Variants in GPC5 observed in about 807,000 individuals in gnomAD.
GPC5 encodes glypican-5.
A neutral mutation model predicts 53.9 loss-of-function variants in GPC5; 47 were observed. That is an observed-to-expected ratio of 0.87 (90% CI 0.69 to 1.11). The LOEUF is 1.11. Among genes scored for constraint, GPC5 ranks in the 50% most tolerant of loss-of-function variants. The pLI is 0.00. For missense variants in GPC5, 748 were observed against 713.1 expected, an observed-to-expected ratio of 1.05 and a Z score of -0.56; for synonymous variants, 286 against 263.3, an observed-to-expected ratio of 1.09 and a Z score of -0.84.
rs568828854 is a variant in GPC5, at chr13:92,331,510, TAGC to T, written c.1561+186525_1561+186527del. Among the ~76,000 whole-genome samples, 20 of 152,234 alleles carry T rather than the reference TAGC, an allele frequency of 1.3e-4. No homozygotes were observed. In the East Asian group the frequency reaches 2.1e-3, roughly 16 times the overall value. ...TGATAATGTTAATTATAAAGCAAAATAGCAGCGACTGAGATATTTAGTTCAAAT... is the reference window on the plus strand; with the variant it reads ...TGATAATGTTAATTATAAAGCAAAATAGCGACTGAGATATTTAGTTCAAAT... On this transcript the variant is annotated intron_variant, in intron 7 of 7. Coordinates refer to ENST00000377067, the MANE Select transcript of GPC5 (RefSeq NM_004466.6).
chr13:92,819,311 A>G (rs933470529), intron 7 of GPC5, among the ~76,000 whole-genome samples: 1 of 152,166 alleles, frequency 6.6e-6, no homozygotes, highest in African/African-American at 2.4e-5. Flanking sequence ...ACAATGTTCT[A>G]TATGTGGACT....
Position 91,628,711 on chromosome 13 carries a change from A to C in GPC5, c.326-64476A>C, listed in dbSNP as rs990084138. On this transcript the variant is annotated intron_variant, in intron 2 of 7. Transcript: ENST00000377067. ...TCTGTCTCAGTTGCTTTATCAATAA[A>C]TAACAATAAGATAATAACTAAGTCC... Among the ~76,000 whole-genome samples, 15 of 152,270 alleles carry C rather than the reference A, an allele frequency of 9.9e-5. 1 individual carries two copies. The South Asian group carries it at 3.1e-3, about 32-fold the overall frequency.
At chr13:91,432,024 G>A (rs569640343) in intron 1 of GPC5, among the ~76,000 whole-genome samples, 9 of 152,236 alleles carry the variant, frequency 5.9e-5, no homozygotes, top group African/African-American at 2.2e-4. Context: ...GTGCCATGTG[G>A]GTATGGTTTC....
intron 7 of GPC5, among the ~76,000 whole-genome samples, chr13:92,475,522 A>T (rs1461487864): frequency 1.3e-5 from 2 of 150,970 alleles, no homozygotes; most frequent in Non-Finnish European, 3.0e-5. Flanking sequence ...TTGGTGTATA[A>T]GAATGCTTGT....
rs1166784224 is a variant in GPC5, at chr13:91,571,895, ATACACATAT to A, written c.326-121290_326-121282del. Among the ~76,000 whole-genome samples the A allele has an allele frequency of 3.5e-4, 21 of 60,650 alleles. 4 individuals are homozygous for A. Among genetic ancestry groups the A allele is most frequent in the African/African-American group, 1.5e-3 (17 of 11,220 alleles). The allele number at this position is 60,650 out of a possible 152,430, so 39.8% of individuals were successfully genotyped here. The stretch of plus-strand genomic sequence containing the variant: ...TATATACACACATATACGTGTGTAT[ATACACATAT>A]TGTATATATACACATATTGTATATA... On this transcript the variant is annotated intron_variant, in intron 2 of 7. Coordinates refer to ENST00000377067, the MANE Select transcript of GPC5 (RefSeq NM_004466.6).
intron 7 of GPC5, among the ~76,000 whole-genome samples, chr13:92,612,863 G>A (rs1024378935): frequency 1.3e-5 from 2 of 152,014 alleles, no homozygotes; most frequent in Admixed American, 6.6e-5. Flanking sequence ...GCAAAAGATG[G>A]ATATGTAATT....
intron 7 of GPC5, among the ~76,000 whole-genome samples, chr13:92,440,239 C>T (rs748720803): frequency 6.6e-6 from 1 of 152,160 alleles, no homozygotes; most frequent in Admixed American, 6.5e-5. Flanking sequence ...AGTTTTTCAA[C>T]ACTTTACCCC....
intron 6 of GPC5, among the ~76,000 whole-genome samples, chr13:92,035,389 T>C (rs1284388575): frequency 6.6e-6 from 1 of 152,148 alleles, no homozygotes; most frequent in African/African-American, 2.4e-5. Context: ...TTTTATTTTG[T>C]TTATATGTCT....
chr13:92,676,821 T>G (rs531259414), intron 7 of GPC5, among the ~76,000 whole-genome samples: 2 of 152,124 alleles, frequency 1.3e-5, no homozygotes, highest in South Asian at 4.1e-4. Flanking sequence ...TAGAGAACAA[T>G]TGAGTAGAAA....
intron 7 of GPC5, among the ~76,000 whole-genome samples, chr13:92,362,386 G>T (rs927342854): frequency 6.6e-6 from 1 of 151,732 alleles, no homozygotes; most frequent in Admixed American, 6.6e-5. Context: ...TTGATAAAGG[G>T]TTAAAAGATC....
At chr13:91,774,000 G>A (rs1340277059) in intron 5 of GPC5, among the ~76,000 whole-genome samples, 5 of 152,126 alleles carry the variant, frequency 3.3e-5, no homozygotes, top group Non-Finnish European at 7.3e-5. Flanking sequence ...TTCCTAATTA[G>A]CAATTTCCTG....
intron 2 of GPC5, among the ~76,000 whole-genome samples, chr13:91,639,746 T>C (rs965146012): frequency 6.6e-6 from 1 of 152,244 alleles, no homozygotes; most frequent in Admixed American, 6.5e-5. Context: ...TTTATTTTCT[T>C]CATTGTGTTC....
At chr13:92,654,632 G>C (rs945918889) in intron 7 of GPC5, among the ~76,000 whole-genome samples, 4 of 151,964 alleles carry the variant, frequency 2.6e-5, no homozygotes, top group African/African-American at 7.2e-5. Context: ...TTTGGATTTT[G>C]TCACTTTTTT....
intron 2 of GPC5, among the ~76,000 whole-genome samples, chr13:91,462,976 G>T (rs1306981404): frequency 6.6e-6 from 1 of 151,796 alleles, no homozygotes; most frequent in Non-Finnish European, 1.5e-5. Flanking sequence ...TTAATGATTG[G>T]TACCACTGTT....
rs369703401 is a variant in GPC5, at chr13:91,912,337, TGAGACTCTGTCTCCCA to T, written c.1401+4281_1401+4296del. On this transcript the variant is annotated intron_variant, in intron 6 of 7. Transcript: ENST00000377067. ...TGCATTCTAGCTCCAGGAGACAGAG[TGAGACTCTGTCTCCCA>T]ACAACAACAACAACAAAGAATAATG... Among the ~76,000 whole-genome samples the T allele has an allele frequency of 2.4e-3, 372 of 152,014 alleles. 3 individuals are homozygous for T. The highest frequency in any genetic ancestry group is 8.5e-3 in the African/African-American group (352 of 41,438).
At chr13:92,408,758 C>T (rs1875912303) in intron 7 of GPC5, among the ~76,000 whole-genome samples, 1 of 151,816 alleles carries the variant, frequency 6.6e-6, no homozygotes, top group African/African-American at 2.4e-5. Context: ...GAAATATGAA[C>T]TGATTGCATA....
intron 7 of GPC5, among the ~76,000 whole-genome samples, chr13:92,528,942 A>C (rs1196862870): frequency 6.6e-6 from 1 of 152,076 alleles, no homozygotes; most frequent in Non-Finnish European, 1.5e-5. Flanking sequence ...AACTGTGAAA[A>C]TCTAATGAAG....
chr13:92,021,800 G>A (rs2040760856), intron 6 of GPC5, among the ~76,000 whole-genome samples: 2 of 152,070 alleles, frequency 1.3e-5, no homozygotes, highest in African/African-American at 4.8e-5. Context: ...AATGAGAAAT[G>A]TTCATCTATG....
chr13:92,400,386 C>T (rs779983640), intron 7 of GPC5, among the ~76,000 whole-genome samples: 3 of 152,168 alleles, frequency 2.0e-5, no homozygotes, highest in Non-Finnish European at 2.9e-5. Context: ...CTATGTAGCA[C>T]TTAATGATTT....
Sources: allele counts gnomAD v4.1 joint callset (sites outside exome capture counted in the v4.1 genomes callset), GRCh38; gene constraint gnomAD v4.1.1; transcripts MANE v1.5; gene names NCBI Gene and HGNC (gene_info 2026-07-23, HGNC 2026-07-21).